Variants in C10orf90 observed in about 807,000 individuals in gnomAD.
The protein encoded by C10orf90 is (E2-independent) E3 ubiquitin-conjugating enzyme FATS.
A neutral mutation model predicts 62.5 loss-of-function variants in C10orf90; 56 were observed. The observed-to-expected ratio is 0.90, with a 90% CI of 0.72 to 1.12. The LOEUF (loss-of-function observed/expected upper bound fraction) is 1.12. Ranked by LOEUF, C10orf90 falls within the 50% of genes most tolerant of loss-of-function variation. C10orf90 has a pLI of 0.00. For missense variants in C10orf90, 970 were observed against 880.4 expected (o/e 1.10, Z -1.29); for synonymous variants, 386 against 340.4 (o/e 1.13, Z -1.47).
At position 126,504,681 on chromosome 10, in the gene C10orf90, C is replaced by A; in HGVS notation, c.810G>T (p.Leu270=). The change falls in exon 4 of 10, where the codon CTG becomes CTT. Residue 270 remains leucine, a synonymous_variant. Transcript: ENST00000488181. The surrounding 1 kb of genome is among the most constrained non-coding windows in gnomAD (Gnocchi z 4.1). Reference sequence around the variant, plus strand: ...TGGCCAGAGCCGGGGGCGCCTGGAACAGTGTGTCCTCAGCCCTGCACTTGG... The same window carrying A: ...TGGCCAGAGCCGGGGGCGCCTGGAAAAGTGTGTCCTCAGCCCTGCACTTGG... ...LCPKCRAEDT[L]FQAPPALANG... is the part of the protein sequence containing the mutation. 8 of 1,614,028 alleles carry A rather than the reference C, an allele frequency of 5.0e-6. No homozygotes were observed. The highest frequency in any genetic ancestry group is 2.2e-5 in the East Asian group (1 of 44,870).
chr10:126,608,781 T>G (rs1357526364), intron 2 of C10orf90, among the ~76,000 whole-genome samples: 1 of 152,244 alleles, frequency 6.6e-6, no homozygotes, highest in Non-Finnish European at 1.5e-5. Context: ...TTATAGTTAT[T>G]TTTTAATAAA....
chr10:126,652,332 A>G (rs977882613), intron 1 of C10orf90, among the ~76,000 whole-genome samples: 2 of 152,210 alleles, frequency 1.3e-5, no homozygotes, highest in African/African-American at 2.4e-5. Context: ...CTGAGATAAT[A>G]TCCCTTATCT....
chr10:126,519,367 A>G lies in C10orf90; in HGVS notation c.314-5428T>C, dbSNP rs150018062. ...GCCCAATACCGCTTGGCTTATCTCT[A>G]CAAAAGTAGCAGACAAGCACCATCA... On this transcript the variant is annotated intron_variant, in intron 2 of 9. Coordinates refer to ENST00000488181, the MANE Select transcript of C10orf90 (RefSeq NM_001350921.2). Among the ~76,000 whole-genome samples, 19 of 152,352 alleles carry G rather than the reference A, an allele frequency of 1.2e-4. 1 individual carries two copies. Among genetic ancestry groups the G allele is most frequent in the African/African-American group, 4.6e-4 (19 of 41,578 alleles).
intron 1 of C10orf90, among the ~76,000 whole-genome samples, chr10:126,666,348 C>T (rs533485386): frequency 2.0e-5 from 3 of 152,236 alleles, no homozygotes; most frequent in African/African-American, 7.2e-5. Flanking sequence ...AATAACTTAA[C>T]AAAATCAAAC....
chr10:126,493,589 G>C (rs925939111), intron 4 of C10orf90, among the ~76,000 whole-genome samples: 1 of 93,392 alleles, frequency 1.1e-5, no homozygotes, highest in Non-Finnish European at 2.0e-5. Flanking sequence ...ACTTCTGACC[G>C]CAGGTGATCG....
rs553788242 is a variant in C10orf90, at chr10:126,600,772, A to G, written c.313+45793T>C. 4.6e-5 allele frequency among the ~76,000 whole-genome samples: 7 copies of G among 152,230 alleles called. No individual in the cohort carries two copies. The South Asian group carries it at 1.5e-3, about 32-fold the overall frequency. On this transcript the variant is annotated intron_variant, in intron 2 of 9. Transcript: ENST00000488181. ...TGTATGTGTGTGTGTTTCCTCAGGC[A>G]TCTGTTTAAATGCAGTATCTTACCT...
intron 2 of C10orf90, among the ~76,000 whole-genome samples, chr10:126,578,968 C>G (rs1450569918): frequency 6.6e-6 from 1 of 152,026 alleles, no homozygotes; most frequent in Non-Finnish European, 1.5e-5. Context: ...GTCTGGCTCC[C>G]AATTACATAG....
chr10:126,588,868 C>T (rs1306296012), intron 2 of C10orf90, among the ~76,000 whole-genome samples: 1 of 152,144 alleles, frequency 6.6e-6, no homozygotes, highest in African/African-American at 2.4e-5. Flanking sequence ...GCTGAACTGA[C>T]AGAAGTAGGC....
Position 126,503,937 on chromosome 10 carries a change from C to T in C10orf90, c.1534+20G>A. 6.3e-7 allele frequency: 1 copy of T among 1,591,510 alleles called. No individual in the cohort carries two copies. Reference sequence around the variant, plus strand: ...GACATTTACTCAGGTCACCCTCCTGCAGATGGACGCACCACTCACCTGCCC... The same window carrying T: ...GACATTTACTCAGGTCACCCTCCTGTAGATGGACGCACCACTCACCTGCCC... On this transcript the variant is annotated intron_variant, in intron 4 of 9. Coordinates refer to ENST00000488181, the MANE Select transcript of C10orf90 (RefSeq NM_001350921.2).
chr10:126,467,141 A>C (rs1286803903), intron 4 of C10orf90, among the ~76,000 whole-genome samples: 2 of 152,194 alleles, frequency 1.3e-5, no homozygotes, highest in Admixed American at 1.3e-4. Flanking sequence ...TCTATCATCT[A>C]TCTATCTATC....
intron 1 of C10orf90, among the ~76,000 whole-genome samples, chr10:126,658,645 AT>A (rs1846444336): frequency 6.6e-6 from 1 of 152,244 alleles, no homozygotes; most frequent in African/African-American, 2.4e-5. Context: ...TTAGACCACC[AT>A]TAAATAGCAA....
chr10:126,666,545 G>A (rs11245085), intron 1 of C10orf90, among the ~76,000 whole-genome samples: 20,308 of 152,142 alleles, frequency 0.13, 1,600 homozygotes, highest in Non-Finnish European at 0.18. Context: ...GCATGAGCAC[G>A]AGGAGGGGTG....
intron 4 of C10orf90, among the ~76,000 whole-genome samples, chr10:126,491,602 A>T (rs976392828): frequency 6.6e-6 from 1 of 152,366 alleles, no homozygotes. Flanking sequence ...AACCATTCAC[A>T]CTTAGGAGCA....
chr10:126,532,178 C>T (rs923971133), intron 2 of C10orf90, among the ~76,000 whole-genome samples: 7 of 152,182 alleles, frequency 4.6e-5, no homozygotes, highest in African/African-American at 1.7e-4. Flanking sequence ...TGGTTTTCTT[C>T]CATCTCATTG....
chr10:126,605,875 A>ATATG (rs1564889698), intron 2 of C10orf90, among the ~76,000 whole-genome samples: 1 of 139,146 alleles, frequency 7.2e-6, no homozygotes. Flanking sequence ...AAAAATACAT[A>ATATG]CATGCATACA....
At chr10:126,587,220 A>G (rs1844890764) in intron 2 of C10orf90, among the ~76,000 whole-genome samples, 1 of 152,248 alleles carries the variant, frequency 6.6e-6, no homozygotes, top group African/African-American at 2.4e-5. Context: ...TAAAGCATGC[A>G]TGGGATCTGG....
chr10:126,512,858 T>A (rs1863210805), intron 3 of C10orf90, among the ~76,000 whole-genome samples: 1 of 152,212 alleles, frequency 6.6e-6, no homozygotes, highest in African/African-American at 2.4e-5. Flanking sequence ...CCCAAATAAC[T>A]TCCTTTCTCC....
chr10:126,639,739 A>G (rs1564904378), intron 2 of C10orf90, among the ~76,000 whole-genome samples: 2 of 152,268 alleles, frequency 1.3e-5, no homozygotes, highest in South Asian at 4.1e-4. Flanking sequence ...ACACAAAGCT[A>G]TATAGACTGC....
chr10:126,575,416 A>T (rs1429870795), intron 2 of C10orf90, among the ~76,000 whole-genome samples: 1 of 152,108 alleles, frequency 6.6e-6, no homozygotes, highest in Non-Finnish European at 1.5e-5. Context: ...TGATGAAAGA[A>T]ACTGAAAAAG....
Sources: allele counts gnomAD v4.1 joint callset (sites outside exome capture counted in the v4.1 genomes callset), GRCh38; gene constraint gnomAD v4.1.1; non-coding constraint Gnocchi (gnomAD v3.1); transcripts MANE v1.5; gene names NCBI Gene and HGNC (gene_info 2026-07-23, HGNC 2026-07-21).